The following CDH13 variants were observed in gnomAD, a reference collection of about 807,000 sequenced individuals.
CDH13 encodes the protein cadherin-13.
CDH13 carries 24 observed loss-of-function variants against 63.8 expected under a neutral mutation model. The ratio of observed to expected loss-of-function variants is 0.38; its 90% CI spans 0.27 to 0.53. The LOEUF (loss-of-function observed/expected upper bound fraction) is 0.53, where lower values mean the gene tolerates loss of function less well. Among genes scored for constraint, CDH13 ranks in the 20% least tolerant of loss-of-function variants. The pLI is 0.85. For synonymous variants in CDH13, 503 were observed against 355.3 expected (o/e 1.42, Z -4.67); for missense variants, 1,049 against 903.1 (o/e 1.16, Z -2.07).
intron 1 of CDH13, among the ~76,000 whole-genome samples, chr16:82,678,275 C>T (rs1350688295): frequency 3.4e-5 from 5 of 148,790 alleles, no homozygotes; most frequent in African/African-American, 1.2e-4. Flanking sequence ...TATTGCTTTT[C>T]TTAACGTTGG....
intron 1 of CDH13, among the ~76,000 whole-genome samples, chr16:82,798,737 A>G (rs908016044): frequency 2.6e-5 from 4 of 152,058 alleles, no homozygotes; most frequent in Non-Finnish European, 5.9e-5. Context: ...GTACTGGGAA[A>G]CACATGCCCC....
intron 7 of CDH13, among the ~76,000 whole-genome samples, chr16:83,496,556 C>T (rs1370641279): frequency 2.6e-5 from 4 of 152,080 alleles, no homozygotes; most frequent in South Asian, 2.1e-4. Context: ...ACCATAAAAA[C>T]CCTAGAAGAA....
intron 2 of CDH13, among the ~76,000 whole-genome samples, chr16:82,921,938 T>A (rs900993594): frequency 6.6e-6 from 1 of 152,188 alleles, no homozygotes; most frequent in Non-Finnish European, 1.5e-5. Flanking sequence ...TTATTATTTG[T>A]TTTTAACTGT....
chr16:83,013,708 A>G (rs910222151), intron 2 of CDH13, among the ~76,000 whole-genome samples: 1 of 152,190 alleles, frequency 6.6e-6, no homozygotes. Context: ...ACAGATCACA[A>G]AAGTCTGATT....
intron 6 of CDH13, among the ~76,000 whole-genome samples, chr16:83,479,056 T>A (rs188373391): frequency 6.6e-6 from 1 of 152,198 alleles, no homozygotes; most frequent in Admixed American, 6.5e-5. Context: ...TTATCTTTCA[T>A]CAACTAGTCA....
At chr16:83,296,260 T>G (rs1034455882) in intron 5 of CDH13, among the ~76,000 whole-genome samples, 2 of 152,218 alleles carry the variant, frequency 1.3e-5, no homozygotes, top group African/African-American at 4.8e-5. Context: ...TCCCTGTGAT[T>G]TAAATTATAC....
intron 7 of CDH13, among the ~76,000 whole-genome samples, chr16:83,549,408 G>A (rs1043060307): frequency 1.3e-5 from 2 of 152,180 alleles, no homozygotes; most frequent in Non-Finnish European, 1.5e-5. Flanking sequence ...AAATTAAGTT[G>A]TGTGCAAGCT....
intron 5 of CDH13, among the ~76,000 whole-genome samples, chr16:83,284,883 A>G (rs2089269891): frequency 6.6e-6 from 1 of 152,198 alleles, no homozygotes; most frequent in African/African-American, 2.4e-5. Context: ...TAGGGAAATG[A>G]TTTTTGTAAT....
chr16:83,300,805 T>TA (rs1424184247), intron 5 of CDH13, among the ~76,000 whole-genome samples: 1 of 152,214 alleles, frequency 6.6e-6, no homozygotes, highest in Non-Finnish European at 1.5e-5. Context: ...GCTGCATTCT[T>TA]AAGATTTGTA....
intron 6 of CDH13, among the ~76,000 whole-genome samples, chr16:83,431,538 T>TA (rs949534329): frequency 5.9e-5 from 9 of 152,004 alleles, no homozygotes; most frequent in African/African-American, 2.2e-4. Flanking sequence ...AAAAATTTTT[T>TA]AAAAAGGCTT....
chr16:83,092,062 A>G (rs1295321587), intron 3 of CDH13, among the ~76,000 whole-genome samples: 1 of 152,270 alleles, frequency 6.6e-6, no homozygotes, highest in Non-Finnish European at 1.5e-5. Context: ...ACTTGACATT[A>G]TCCTACCAAG....
intron 7 of CDH13, among the ~76,000 whole-genome samples, chr16:83,593,403 T>A (rs1185513466): frequency 6.6e-6 from 1 of 152,160 alleles, no homozygotes; most frequent in Non-Finnish European, 1.5e-5. Flanking sequence ...CCAACTGGTG[T>A]CTCTGTTTCC....
At chr16:82,968,396 C>G (rs949431511) in intron 2 of CDH13, among the ~76,000 whole-genome samples, 4 of 152,296 alleles carry the variant, frequency 2.6e-5, no homozygotes, top group East Asian at 1.9e-4. Flanking sequence ...TTTTTGCTGA[C>G]TAACTCTTGA....
At chr16:83,648,588 C>T (rs865982023) in intron 8 of CDH13, among the ~76,000 whole-genome samples, 5 of 152,084 alleles carry the variant, frequency 3.3e-5, no homozygotes, top group African/African-American at 1.2e-4. Context: ...ACTGGGTTTC[C>T]ATAGACATGG....
intron 5 of CDH13, among the ~76,000 whole-genome samples, chr16:83,298,057 AAAAAAAG>A (rs1200402784): frequency 7.9e-5 from 12 of 151,534 alleles, no homozygotes; most frequent in East Asian, 3.9e-4. Context: ...CAAAAAAAAA[AAAAAAAG>A]AAAAAGAAAA....
chr16:83,197,035 C>T (rs771503094), intron 4 of CDH13, among the ~76,000 whole-genome samples: 4 of 152,128 alleles, frequency 2.6e-5, no homozygotes, highest in Admixed American at 2.6e-4. Context: ...TGAAAACAAC[C>T]CAGATGTCCT....
chr16:83,384,176 G>A (rs180989160), intron 6 of CDH13, among the ~76,000 whole-genome samples: 10 of 151,974 alleles, frequency 6.6e-5, no homozygotes, highest in South Asian at 2.1e-4. Flanking sequence ...CCTACCTTTC[G>A]TGTTTATCAA....
intron 2 of CDH13, among the ~76,000 whole-genome samples, chr16:82,904,464 G>A (rs538554118): frequency 6.6e-6 from 1 of 152,264 alleles, no homozygotes; most frequent in South Asian, 2.1e-4. Flanking sequence ...TGAATCCTTT[G>A]TCTTCTCACC....
chr16:82,676,896 G>GTTTTGTT (rs370108283), intron 1 of CDH13, among the ~76,000 whole-genome samples: 1 of 147,172 alleles, frequency 6.8e-6, no homozygotes, highest in African/African-American at 2.5e-5. Flanking sequence ...GTTTTGTTTT[G>GTTTTGTT]TTTTTTTCAA....
Sources: gnomAD v4.1 joint callset for allele counts (sites outside exome capture counted in the v4.1 genomes callset) on GRCh38, gnomAD v4.1.1 for gene constraint, MANE v1.5 for transcripts, NCBI Gene and HGNC (gene_info 2026-07-23, HGNC 2026-07-21) for gene names.